Variants in PRICKLE2 observed in about 807,000 individuals in gnomAD.
PRICKLE2 encodes the protein prickle planar cell polarity protein 2, also known as prickle-like protein 2.
Under a neutral mutation model 81.4 loss-of-function variants are expected in PRICKLE2, and 21 were observed. The ratio of observed to expected loss-of-function variants is 0.26; its 90% CI spans 0.18 to 0.37. PRICKLE2 has a LOEUF of 0.37. Ranked by LOEUF, PRICKLE2 falls within the 10% of genes least tolerant of loss-of-function variation. The probability of loss-of-function intolerance (pLI) is 1.00; values close to 1 mark genes in which losing one functional copy is unlikely to be tolerated. For missense variants in PRICKLE2, 940 were observed against 1,109.0 expected, an observed-to-expected ratio of 0.85 and a Z score of 2.16; for synonymous variants, 456 against 421.5, an observed-to-expected ratio of 1.08 and a Z score of -1.00.
chr3:64,161,654 C>T (rs2077735673), intron 3 of PRICKLE2, among the ~76,000 whole-genome samples: 1 of 146,882 alleles, frequency 6.8e-6, no homozygotes, highest in Non-Finnish European at 1.5e-5. Flanking sequence ...TAACCATAAA[C>T]ACAACAAACC....
intron 1 of PRICKLE2, among the ~76,000 whole-genome samples, chr3:64,222,742 A>G (rs17666116): frequency 0.21 from 32,531 of 152,148 alleles, 3,920 homozygotes; most frequent in Non-Finnish European, 0.25. Context: ...GCCTCCCTGG[A>G]TAGAGAAGAA....
chr3:64,210,366 T>G (rs570602023), intron 1 of PRICKLE2, among the ~76,000 whole-genome samples: 1 of 152,258 alleles, frequency 6.6e-6, no homozygotes, highest in Non-Finnish European at 1.5e-5. Flanking sequence ...ACACTTGCCA[T>G]GTCTGGGAGC....
At chr3:64,252,269 C>T (rs1295344367) in intron 2 of PRICKLE2, among the ~76,000 whole-genome samples, 1 of 152,194 alleles carries the variant, frequency 6.6e-6, no homozygotes, top group African/African-American at 2.4e-5. Context: ...ATTCAAATCA[C>T]CCTGCACCCC....
chr3:64,208,277 A>C (rs1302731466), intron 1 of PRICKLE2, among the ~76,000 whole-genome samples: 16 of 152,300 alleles, frequency 1.1e-4, no homozygotes, highest in Non-Finnish European at 1.5e-4. Context: ...GATATTGCTG[A>C]GATAATCCTG....
intron 2 of PRICKLE2, among the ~76,000 whole-genome samples, chr3:64,164,536 A>G (rs548770407): frequency 1.3e-5 from 2 of 152,294 alleles, no homozygotes; most frequent in African/African-American, 2.4e-5. Context: ...GGGGGTGAAA[A>G]GGCTTTGTAA....
At chr3:64,251,767 T>C (rs1476322953) in intron 2 of PRICKLE2, among the ~76,000 whole-genome samples, 1 of 152,218 alleles carries the variant, frequency 6.6e-6, no homozygotes, top group African/African-American at 2.4e-5. Flanking sequence ...TTGATCCAGA[T>C]TGGGTTTTCC....
intron 2 of PRICKLE2, among the ~76,000 whole-genome samples, chr3:64,181,073 G>C (rs1447924671): frequency 6.6e-6 from 1 of 152,170 alleles, no homozygotes; most frequent in Non-Finnish European, 1.5e-5. Context: ...TTCGTGTGTA[G>C]CATTTTCATT....
chr3:64,197,986 C>A (rs542381402), intron 2 of PRICKLE2, among the ~76,000 whole-genome samples: 1 of 151,838 alleles, frequency 6.6e-6, no homozygotes, highest in South Asian at 2.1e-4. Context: ...CCAACACGGA[C>A]GGATCACGAG....
Position 64,225,144 on chromosome 3 carries a change from G to A in PRICKLE2, c.-275C>T. On this transcript the variant is annotated 5_prime_UTR_variant, in exon 1 of 8. Transcript: ENST00000638394. ...TTCCCTCAGGGAAAACAGCACTGCT[G>A]GATCCAGACTCTGCTGGGGAATTCA... 1.0e-6 allele frequency: 1 copy of A among 985,398 alleles called. No homozygotes were observed. The highest frequency in any genetic ancestry group is 1.2e-6 in the Non-Finnish European group (1 of 829,992). 61.0% of individuals were successfully genotyped at this position (985,398 alleles called of 1,614,324 possible).
chr3:64,194,474 C>T (rs988292470), intron 2 of PRICKLE2, among the ~76,000 whole-genome samples: 1 of 152,112 alleles, frequency 6.6e-6, no homozygotes, highest in South Asian at 2.1e-4. Context: ...GTTTGGTTAC[C>T]TCAAATGGGA....
intron 7 of PRICKLE2, among the ~76,000 whole-genome samples, chr3:64,115,044 T>C (rs1217643651): frequency 6.6e-6 from 1 of 152,154 alleles, no homozygotes; most frequent in African/African-American, 2.4e-5. Flanking sequence ...GGGGCCAATA[T>C]TCAACATTCT....
At chr3:64,258,925 G>A (rs996756395) in intron 2 of PRICKLE2, among the ~76,000 whole-genome samples, 14 of 150,702 alleles carry the variant, frequency 9.3e-5, no homozygotes, top group Non-Finnish European at 1.9e-4. Context: ...TTAAGTAGGG[G>A]TGCAAAAAGG....
At chr3:64,179,732 G>C (rs2078094145) in intron 2 of PRICKLE2, among the ~76,000 whole-genome samples, 1 of 152,072 alleles carries the variant, frequency 6.6e-6, no homozygotes, top group South Asian at 2.1e-4. Flanking sequence ...ATTGATTTTG[G>C]GGTTACAAAT....
intron 2 of PRICKLE2, among the ~76,000 whole-genome samples, chr3:64,237,008 T>TG (rs1203095142): frequency 6.6e-6 from 1 of 152,204 alleles, no homozygotes; most frequent in Non-Finnish European, 1.5e-5. Context: ...ATGAAGGGGT[T>TG]GGCTCATTTA....
intron 6 of PRICKLE2, among the ~76,000 whole-genome samples, chr3:64,151,403 G>T (rs1353811377): frequency 6.6e-6 from 1 of 152,212 alleles, no homozygotes; most frequent in Non-Finnish European, 1.5e-5. Flanking sequence ...AATGTGCTGG[G>T]CAGCCAAAGG....
At chr3:64,224,680 G>C (rs1294065193) in intron 1 of PRICKLE2, among the ~76,000 whole-genome samples, 1 of 152,112 alleles carries the variant, frequency 6.6e-6, no homozygotes, top group Non-Finnish European at 1.5e-5. Context: ...CAAGATTTAA[G>C]CGTTTCTTCA....
intron 2 of PRICKLE2, among the ~76,000 whole-genome samples, chr3:64,179,856 T>G (rs1193108913): frequency 2.6e-5 from 4 of 152,186 alleles, no homozygotes; most frequent in Non-Finnish European, 2.9e-5. Context: ...GATTTAAATT[T>G]AGGTCTGACT....
At chr3:64,196,278 T>G (rs1367212440) in intron 2 of PRICKLE2, among the ~76,000 whole-genome samples, 1 of 152,172 alleles carries the variant, frequency 6.6e-6, no homozygotes, top group African/African-American at 2.4e-5. Flanking sequence ...AAGCTTAACT[T>G]TGGAAAATTC....
intron 2 of PRICKLE2, among the ~76,000 whole-genome samples, chr3:64,164,613 A>T (rs1025843305): frequency 1.6e-4 from 25 of 152,214 alleles, no homozygotes; most frequent in African/African-American, 4.3e-4. Flanking sequence ...ACCATTAACC[A>T]TCATGTGCCT....
Sources: allele counts gnomAD v4.1 joint callset (sites outside exome capture counted in the v4.1 genomes callset), GRCh38; gene constraint gnomAD v4.1.1; transcripts MANE v1.5; gene names NCBI Gene and HGNC (gene_info 2026-07-23, HGNC 2026-07-21).